STXBP6: variants seen among roughly 807,000 people sequenced by gnomAD.
The protein encoded by STXBP6 is syntaxin-binding protein 6.
STXBP6 carries 21 observed loss-of-function variants against 26.9 expected under a neutral mutation model. The observed-to-expected ratio is 0.78, with a 90% CI of 0.55 to 1.12. The LOEUF is 1.12. STXBP6 is among the 50% of genes most tolerant of loss of function. The probability of loss-of-function intolerance (pLI) is 0.00; values close to 1 mark genes in which losing one functional copy is unlikely to be tolerated. For synonymous variants in STXBP6, 97 were observed against 92.6 expected (o/e 1.05, Z -0.27); for missense variants, 232 against 257.9 (o/e 0.90, Z 0.69).
At chr14:25,016,987 T>C (rs2075163266) in intron 1 of STXBP6, among the ~76,000 whole-genome samples, 2 of 152,098 alleles carry the variant, frequency 1.3e-5, no homozygotes, top group African/African-American at 4.8e-5. Context: ...TAGTGCGGAG[T>C]ATGCAGTTAA....
intron 2 of STXBP6, among the ~76,000 whole-genome samples, chr14:24,905,993 A>C (rs1223769642): frequency 1.3e-5 from 2 of 152,224 alleles, no homozygotes; most frequent in African/African-American, 4.8e-5. Context: ...AGTAGAAAAA[A>C]AGACATGCAG....
intron 1 of STXBP6, among the ~76,000 whole-genome samples, chr14:25,038,001 A>C (rs1482886792): frequency 6.6e-6 from 1 of 152,190 alleles, no homozygotes; most frequent in Non-Finnish European, 1.5e-5. Context: ...GGTAACCCCC[A>C]TGACTACAGA....
intron 1 of STXBP6, among the ~76,000 whole-genome samples, chr14:24,987,081 C>T (rs1032300887): frequency 3.3e-5 from 5 of 152,286 alleles, no homozygotes; most frequent in Middle Eastern, 3.4e-3. Flanking sequence ...AAAAAAAAAT[C>T]TATCAATTGA....
intron 1 of STXBP6, among the ~76,000 whole-genome samples, chr14:25,026,959 T>C (rs376764050): frequency 3.3e-5 from 5 of 152,204 alleles, no homozygotes; most frequent in East Asian, 1.9e-4. Context: ...GAAAGACTGA[T>C]TGCAAGCATG....
chr14:24,903,489 A>AT (rs1189561220), intron 2 of STXBP6, among the ~76,000 whole-genome samples: 2 of 152,060 alleles, frequency 1.3e-5, no homozygotes, highest in African/African-American at 4.8e-5. Context: ...GTTCATCTTG[A>AT]TTTTTTTAGT....
intron 4 of STXBP6, among the ~76,000 whole-genome samples, chr14:24,838,990 G>C (rs567917440): frequency 1.3e-5 from 2 of 152,186 alleles, no homozygotes; most frequent in South Asian, 4.2e-4. Flanking sequence ...ATTAAAAAAG[G>C]TAAAAGAGAG....
chr14:24,932,619 C>A (rs968167187), intron 2 of STXBP6, among the ~76,000 whole-genome samples: 1 of 151,954 alleles, frequency 6.6e-6, no homozygotes, highest in Non-Finnish European at 1.5e-5. Flanking sequence ...GGAAAATCAG[C>A]TAGGTGGCTA....
At chr14:24,909,875 T>C (rs1368732232) in intron 2 of STXBP6, among the ~76,000 whole-genome samples, 2 of 151,624 alleles carry the variant, frequency 1.3e-5, no homozygotes, top group Non-Finnish European at 2.9e-5. Context: ...AGTACAATGC[T>C]CCGGAATCTA....
chr14:24,830,510 G>A (rs1264010778), intron 4 of STXBP6, among the ~76,000 whole-genome samples: 1 of 152,068 alleles, frequency 6.6e-6, no homozygotes, highest in Admixed American at 6.6e-5. Flanking sequence ...CAATTGGGTA[G>A]GTAATAGTGG....
chr14:24,851,239 C>CG (rs2069140170), intron 4 of STXBP6, among the ~76,000 whole-genome samples: 1 of 146,356 alleles, frequency 6.8e-6, no homozygotes, highest in African/African-American at 2.5e-5. Flanking sequence ...GACCACGTCT[C>CG]TTTTTTTTTT....
At chr14:24,858,820 G>A (rs927314907) in intron 2 of STXBP6, among the ~76,000 whole-genome samples, 2 of 152,082 alleles carry the variant, frequency 1.3e-5, no homozygotes, top group Non-Finnish European at 1.5e-5. Context: ...GTCTTAAAAT[G>A]TGCTTAAAAG....
At chr14:24,985,051 A>C (rs965295181) in intron 1 of STXBP6, among the ~76,000 whole-genome samples, 1 of 152,198 alleles carries the variant, frequency 6.6e-6, no homozygotes, top group Non-Finnish European at 1.5e-5. Flanking sequence ...TACTGTTATC[A>C]CCCTAGCCCA....
chr14:24,939,292 C>T (rs1385320242), intron 2 of STXBP6, among the ~76,000 whole-genome samples: 1 of 152,148 alleles, frequency 6.6e-6, no homozygotes, highest in Non-Finnish European at 1.5e-5. Flanking sequence ...GTTTGAATAC[C>T]TTCCTGACTT....
At chr14:24,836,786 C>CT (rs1240194760) in intron 4 of STXBP6, among the ~76,000 whole-genome samples, 1 of 151,976 alleles carries the variant, frequency 6.6e-6, no homozygotes, top group Non-Finnish European at 1.5e-5. Context: ...TTTCTTAATT[C>CT]TTTAAATCTT....
chr14:24,985,413 C>T (rs117086838), intron 1 of STXBP6, among the ~76,000 whole-genome samples: 5 of 152,302 alleles, frequency 3.3e-5, no homozygotes, highest in Non-Finnish European at 4.4e-5. Flanking sequence ...CTTTCCAAAC[C>T]GGAAAACGCT....
intron 1 of STXBP6, among the ~76,000 whole-genome samples, chr14:25,007,121 T>C (rs2074919665): frequency 6.6e-6 from 1 of 152,266 alleles, no homozygotes; most frequent in Admixed American, 6.5e-5. Context: ...CTGAACTATA[T>C]GCCCCTTTGG....
In STXBP6 at chr14:25,049,476, G is replaced by A; in HGVS notation, c.-33+402C>T. The A allele has an allele frequency of 4.1e-6, 4 of 985,290 alleles. No homozygotes were observed. The highest frequency in any genetic ancestry group is 4.8e-6 in the Non-Finnish European group (4 of 829,890). 61.0% of individuals were successfully genotyped at this position (985,290 alleles called of 1,614,324 possible). On this transcript the variant is annotated intron_variant, in intron 1 of 5. Transcript: ENST00000323944. This position sits in a 1 kb window ranked among gnomAD's most constrained non-coding sequence, Gnocchi z 5.6. ...CTCAAGCTAGAGGCGCAGCGACCCC[G>A]AGCTCCCCCACACTGGGAGCCTCGG...
chr14:24,908,405 G>C (rs1050494845), intron 2 of STXBP6, among the ~76,000 whole-genome samples: 3 of 152,134 alleles, frequency 2.0e-5, no homozygotes, highest in Admixed American at 6.6e-5. Flanking sequence ...ATAAGAGCCA[G>C]AATGTAAAAC....
chr14:24,905,150 G>A (rs2071344316), intron 2 of STXBP6, among the ~76,000 whole-genome samples: 3 of 152,156 alleles, frequency 2.0e-5, no homozygotes. Context: ...AGAGGGACAG[G>A]ATAGAACCAT....
Sources: allele counts gnomAD v4.1 joint callset (sites outside exome capture counted in the v4.1 genomes callset), GRCh38; gene constraint gnomAD v4.1.1; non-coding constraint Gnocchi (gnomAD v3.1); transcripts MANE v1.5; gene names NCBI Gene and HGNC (gene_info 2026-07-23, HGNC 2026-07-21).